PROX1: variants seen among roughly 807,000 people sequenced by gnomAD.
The protein encoded by PROX1 is prospero homeobox protein 1.
Under a neutral mutation model 58.8 loss-of-function variants are expected in PROX1, and 7 were observed. That is an observed-to-expected ratio of 0.12 (90% CI 0.07 to 0.22). The LOEUF is 0.22. Among genes scored for constraint, PROX1 ranks in the 10% least tolerant of loss-of-function variants. PROX1 has a pLI of 1.00. For missense variants in PROX1, 675 were observed against 927.8 expected (o/e 0.73, Z 3.54); for synonymous variants, 350 against 358.3 (o/e 0.98, Z 0.26).
Position 213,998,466 on chromosome 1 carries a change from G to A in PROX1, c.1725+206G>A, listed in dbSNP as rs571821018. On this transcript the variant is annotated intron_variant, in intron 2 of 4. Transcript: ENST00000366958. ...TTAAAACTAAGCCAACATCTTTGCA[G>A]CTTCCACAAGTTGTTCACTGCCTTG... Among the ~76,000 whole-genome samples, 10 of 152,262 alleles carry A rather than the reference G, an allele frequency of 6.6e-5. No homozygotes were observed. In the East Asian group the frequency reaches 1.7e-3, roughly 26 times the overall value.
intron 2 of PROX1, among the ~76,000 whole-genome samples, chr1:214,001,214 G>C (rs1663499072): frequency 4.6e-5 from 7 of 152,140 alleles, no homozygotes. Flanking sequence ...ATGTTCTGTA[G>C]GATAGAACAC....
In PROX1 at chr1:213,997,171, G is replaced by A. The variant is rs781149410; in HGVS notation, c.636G>A (p.Lys212=). 2 of 1,613,528 alleles carry A rather than the reference G, an allele frequency of 1.2e-6. No individual in the cohort carries two copies. Among genetic ancestry groups the A allele is most frequent in the South Asian group, 1.1e-5 (1 of 91,048 alleles). Residue 212 remains lysine, a synonymous_variant, in exon 2 of 5, where the codon AAG becomes AAA. Transcript: ENST00000366958. The surrounding 1 kb of genome is among the most constrained non-coding windows in gnomAD (Gnocchi z 7.1). The part of the protein sequence containing the change: ...ESYRENKRKQ[K]LPQQQQQSFQ... ...ACAGAGAAAACAAACGCAAGCAAAA[G>A]CTTCCCCAGCAGCAGCAACAGAGTT...
intron 4 of PROX1, chr1:214,028,901 C>T (rs1664548742): frequency 6.6e-6 from 1 of 152,256 alleles, no homozygotes. Flanking sequence ...TTTTCAGCCT[C>T]TGGCAGGAGA....
chr1:213,996,409 C>T, intron 1 of PROX1, 60 bp from the exon 2 acceptor site: 2 of 1,180,534 alleles, frequency 1.7e-6, no homozygotes. Flanking sequence ...GGATTGAGGT[C>T]AGGAAATTTG....
intron 4 of PROX1, among the ~76,000 whole-genome samples, chr1:214,016,968 A>G (rs1486037857): frequency 6.6e-6 from 1 of 152,182 alleles, no homozygotes; most frequent in African/African-American, 2.4e-5. Context: ...CTCCTTACTC[A>G]ACAGCTTTAT....
intron 4 of PROX1, among the ~76,000 whole-genome samples, chr1:214,028,262 T>G (rs890520397): frequency 6.6e-6 from 1 of 152,122 alleles, no homozygotes; most frequent in Non-Finnish European, 1.5e-5. Flanking sequence ...CTAATAAAAT[T>G]CAAACACCAT....
intron 4 of PROX1, among the ~76,000 whole-genome samples, chr1:214,035,347 G>A (rs1018033840): frequency 3.3e-5 from 5 of 152,140 alleles, no homozygotes; most frequent in African/African-American, 1.2e-4. Flanking sequence ...AATAAAGTGA[G>A]GAATCCCAAA....
intron 2 of PROX1, among the ~76,000 whole-genome samples, chr1:213,999,497 T>C (rs986206271): frequency 6.6e-6 from 1 of 152,228 alleles, no homozygotes; most frequent in Non-Finnish European, 1.5e-5. Flanking sequence ...AAATATGTTT[T>C]CCTGGTTAGT....
chr1:214,005,102 A>G, intron 2 of PROX1, 63 bp from the exon 3 acceptor site: 1 of 1,305,638 alleles, frequency 7.7e-7, no homozygotes, highest in Non-Finnish European at 1.1e-6. Context: ...TGGGGACTGG[A>G]GGGAGGGAGG....
Position 213,997,964 on chromosome 1 carries a change from A to G in PROX1, c.1429A>G (p.Thr477Ala). The G allele has an allele frequency of 6.2e-7, 1 of 1,613,982 alleles. No individual in the cohort carries two copies. The highest frequency in any genetic ancestry group is 8.5e-7 in the Non-Finnish European group (1 of 1,179,952). ...SPLSATTGFT[T>A]STFRHPFPLP... is the part of the protein sequence containing the mutation. ...TCTCTCTGCCACCACGGGCTTCACC[A>G]CGTCCACCTTCCGCCACCCCTTCCC... The change falls in exon 2 of 5, where the codon ACG becomes GCG. Residue 477 changes from threonine to alanine, a missense_variant. Thr to Ala is a moderately conservative substitution (Grantham distance 58). This residue lies in a region of PROX1 where 403 missense variants were observed against 477.4 expected (regional missense o/e 0.84). Transcript: ENST00000366958. This position sits in a 1 kb window ranked among gnomAD's most constrained non-coding sequence, Gnocchi z 7.1.
intron 4 of PROX1, among the ~76,000 whole-genome samples, chr1:214,034,930 C>T (rs1664779203): frequency 6.7e-6 from 1 of 149,518 alleles, no homozygotes; most frequent in African/African-American, 2.5e-5. Context: ...GTAGTAAATA[C>T]TCGAAAAAAG....
upstream of PROX1, chr1:213,985,602 C>G (rs1483856596): frequency 6.6e-6 from 1 of 152,268 alleles, no homozygotes; most frequent in African/African-American, 2.4e-5. Flanking sequence ...CTTCCTTGTT[C>G]GGCAAGCGGG....
At chr1:214,022,043 A>C (rs1664297702) in intron 4 of PROX1, among the ~76,000 whole-genome samples, 1 of 152,240 alleles carries the variant, frequency 6.6e-6, no homozygotes, top group Admixed American at 6.5e-5. Flanking sequence ...CAAGTAGTCA[A>C]TATTTTATAT....
At chr1:213,987,710 G>A (rs911162922), upstream of PROX1, 6 of 144,150 alleles carry the variant, frequency 4.2e-5, no homozygotes, top group Non-Finnish European at 9.3e-5. Flanking sequence ...GCAGGGTGGG[G>A]GTGGGGGTGG....
At chr1:214,008,088 G>T (rs1337321755) in intron 3 of PROX1, among the ~76,000 whole-genome samples, 5 of 151,106 alleles carry the variant, frequency 3.3e-5, no homozygotes, top group African/African-American at 1.2e-4. Flanking sequence ...TTTCACTCTT[G>T]TCACCCAGGC....
intron 4 of PROX1, among the ~76,000 whole-genome samples, chr1:214,027,232 C>T (rs1312179248): frequency 6.6e-6 from 1 of 151,526 alleles, no homozygotes; most frequent in East Asian, 2.0e-4. Context: ...CACACCCCCT[C>T]GCACATTAAC....
intron 4 of PROX1, among the ~76,000 whole-genome samples, chr1:214,026,894 A>G (rs933157619): frequency 1.3e-5 from 2 of 151,834 alleles, no homozygotes; most frequent in African/African-American, 4.8e-5. Context: ...TAGATCCTCA[A>G]CCTCCCTCCT....
upstream of PROX1, chr1:213,983,972 T>G (rs1662764026): frequency 6.6e-6 from 1 of 151,788 alleles, no homozygotes; most frequent in Non-Finnish European, 1.5e-5. Context: ...CCGGGCGGAG[T>G]GGCTAGATTA....
At chr1:214,017,715 T>A (rs1399618891) in intron 4 of PROX1, among the ~76,000 whole-genome samples, 4 of 152,126 alleles carry the variant, frequency 2.6e-5, no homozygotes, top group Non-Finnish European at 5.9e-5. Context: ...ATTGGCTCTC[T>A]CGGCGGCTGT....
Sources: allele counts gnomAD v4.1 joint callset (sites outside exome capture counted in the v4.1 genomes callset), GRCh38; gene constraint gnomAD v4.1.1; regional missense constraint gnomAD v4.1.1; non-coding constraint Gnocchi (gnomAD v3.1); transcripts MANE v1.5; gene names NCBI Gene and HGNC (gene_info 2026-07-23, HGNC 2026-07-21).